GRID2: variants seen among roughly 807,000 people sequenced by gnomAD.
GRID2 encodes glutamate ionotropic receptor delta type subunit 2.
GRID2 carries 33 observed loss-of-function variants against 114.8 expected under a neutral mutation model. That is an observed-to-expected ratio of 0.29 (90% confidence interval 0.22 to 0.38). GRID2 has a LOEUF of 0.38. Ranked by LOEUF, GRID2 falls within the 10% of genes least tolerant of loss-of-function variation. The pLI is 1.00. For missense variants in GRID2, 1,184 were observed against 1,257.7 expected, an observed-to-expected ratio of 0.94 and a Z score of 0.89; for synonymous variants, 505 against 449.9, an observed-to-expected ratio of 1.12 and a Z score of -1.55.
chr4:92,358,876 T>C (rs1728471208), intron 1 of GRID2, among the ~76,000 whole-genome samples: 1 of 151,988 alleles, frequency 6.6e-6, no homozygotes, highest in Non-Finnish European at 1.5e-5. Context: ...GTCATATATG[T>C]ATGCTGTATT....
chr4:92,629,897 CAT>C (rs1168092521), intron 2 of GRID2, among the ~76,000 whole-genome samples: 2 of 145,160 alleles, frequency 1.4e-5, no homozygotes, highest in Non-Finnish European at 3.0e-5. Flanking sequence ...TTATATAATA[CAT>C]ATTTATAAAT....
intron 1 of GRID2, among the ~76,000 whole-genome samples, chr4:92,373,685 A>G (rs1282780272): frequency 6.6e-6 from 1 of 152,166 alleles, no homozygotes; most frequent in Non-Finnish European, 1.5e-5. Context: ...AGAGCTAAAT[A>G]CATCCTAATT....
At chr4:92,589,514 G>C (rs1728610874) in intron 1 of GRID2, among the ~76,000 whole-genome samples, 1 of 152,166 alleles carries the variant, frequency 6.6e-6, no homozygotes, top group South Asian at 2.1e-4. Flanking sequence ...GATAAAAAAT[G>C]CTATAATTAT....
chr4:93,084,103 G>T (rs541159661), intron 2 of GRID2, among the ~76,000 whole-genome samples: 1 of 151,546 alleles, frequency 6.6e-6, no homozygotes, highest in South Asian at 2.1e-4. Context: ...TTTTTTCATT[G>T]ATTTCTTCAC....
intron 2 of GRID2, among the ~76,000 whole-genome samples, chr4:92,785,219 C>A (rs567367660): frequency 6.6e-6 from 1 of 150,788 alleles, no homozygotes; most frequent in African/African-American, 2.4e-5. Context: ...TGTAGACAAA[C>A]GGATGAAGCT....
chr4:93,271,101 G>T (rs954728709), intron 8 of GRID2, among the ~76,000 whole-genome samples: 1 of 152,132 alleles, frequency 6.6e-6, no homozygotes, highest in Non-Finnish European at 1.5e-5. Flanking sequence ...TTATATATGT[G>T]TCCCATGGAC....
At position 92,524,407 on chromosome 4, in the gene GRID2, C is replaced by CTTT. The variant is rs869060153; in HGVS notation, c.89-65703_89-65701dup. On this transcript the variant is annotated intron_variant, in intron 1 of 15. Coordinates refer to ENST00000282020, the MANE Select transcript of GRID2 (RefSeq NM_001510.4). ...TCTTTCTGCTCTAGGATTTCCTTGTCTTTTTTTTTTTTTTTTTTTTTTTGT... is the reference window on the plus strand; with the variant it reads ...TCTTTCTGCTCTAGGATTTCCTTGTCTTTTTTTTTTTTTTTTTTTTTTTTTTGT... Among the ~76,000 whole-genome samples the CTTT allele has an allele frequency of 4.1e-3, 434 of 106,494 alleles. 16 individuals are homozygous for CTTT. Among genetic ancestry groups the CTTT allele is most frequent in the African/African-American group, 0.016 (400 of 25,288 alleles). The allele number at this position is 106,494 out of a possible 152,430, so 69.9% of individuals were successfully genotyped here.
chr4:92,897,882 T>C (rs1747284539), intron 2 of GRID2, among the ~76,000 whole-genome samples: 1 of 152,180 alleles, frequency 6.6e-6, no homozygotes, highest in African/African-American at 2.4e-5. Context: ...AGGAATGAAG[T>C]ACAACAGTTA....
At chr4:92,554,064 G>A (rs1485644005) in intron 1 of GRID2, among the ~76,000 whole-genome samples, 1 of 152,092 alleles carries the variant, frequency 6.6e-6, no homozygotes, top group Admixed American at 6.6e-5. Context: ...TGAAAAACAT[G>A]AAAATCACAT....
Position 92,338,733 on chromosome 4 carries a change from T to C in GRID2, c.88+33989T>C, listed in dbSNP as rs369390328. 1.8e-3 allele frequency among the ~76,000 whole-genome samples: 280 copies of C among 152,234 alleles called. 2 individuals are homozygous for C. Among genetic ancestry groups the C allele is most frequent in the African/African-American group, 6.2e-3 (257 of 41,590 alleles). ...AAATTCATTTTTAAAGGAAATGACA[T>C]GCAAAATAGTGTAAAGAAAAGCATA... is the stretch of plus-strand genomic sequence containing the variant. On this transcript the variant is annotated intron_variant, in intron 1 of 15. Coordinates refer to ENST00000282020, the MANE Select transcript of GRID2 (RefSeq NM_001510.4).
At chr4:93,608,314 T>TAA (rs536361396) in intron 13 of GRID2, among the ~76,000 whole-genome samples, 3,653 of 143,792 alleles carry the variant, frequency 0.025, 166 homozygotes, top group African/African-American at 0.092. Context: ...TTTTTTAATT[T>TAA]TTTTTTTTTA....
At chr4:92,927,400 A>T (rs1749891665) in intron 2 of GRID2, among the ~76,000 whole-genome samples, 1 of 151,990 alleles carries the variant, frequency 6.6e-6, no homozygotes, top group African/African-American at 2.4e-5. Flanking sequence ...TTTCACAGGA[A>T]TCATAGCCAG....
intron 14 of GRID2, among the ~76,000 whole-genome samples, chr4:93,669,771 T>A (rs924467436): frequency 6.6e-6 from 1 of 151,996 alleles, no homozygotes; most frequent in African/African-American, 2.4e-5. Context: ...AAAAAGTCAG[T>A]CCTCAAAATT....
chr4:92,924,184 G>A (rs1018585905), intron 2 of GRID2, among the ~76,000 whole-genome samples: 2 of 152,126 alleles, frequency 1.3e-5, no homozygotes, highest in African/African-American at 2.4e-5. Context: ...TCACTCACAG[G>A]TGGGAATTGA....
chr4:93,752,227 A>G (rs1402540488), intron 14 of GRID2, among the ~76,000 whole-genome samples: 2 of 152,142 alleles, frequency 1.3e-5, no homozygotes, highest in Non-Finnish European at 2.9e-5. Flanking sequence ...AATACAATTT[A>G]AGATAAATAT....
intron 2 of GRID2, among the ~76,000 whole-genome samples, chr4:93,073,581 T>G (rs1431582115): frequency 1.3e-5 from 2 of 152,160 alleles, no homozygotes; most frequent in Non-Finnish European, 2.9e-5. Context: ...AAACTCTGCA[T>G]TGTTCAAGGG....
intron 2 of GRID2, among the ~76,000 whole-genome samples, chr4:92,871,312 CT>C (rs150500881): frequency 0.039 from 5,796 of 148,944 alleles, 165 homozygotes; most frequent in East Asian, 0.13. Flanking sequence ...TTCTCTGATT[CT>C]TTTTTTTTCT....
In GRID2 at chr4:93,241,945, T is replaced by C. The variant is rs186907065; in HGVS notation, c.1245+3455T>C. 3.3e-5 allele frequency among the ~76,000 whole-genome samples: 5 copies of C among 151,328 alleles called. No individual in the cohort carries two copies. The East Asian group carries it at 5.8e-4, about 18-fold the overall frequency. ...CCAGTAGTGAAGAAGAAAATGAAGA[T>C]ATAAGAAAGAAAGGTGATAATTGAT... On this transcript the variant is annotated intron_variant, in intron 8 of 15. Transcript: ENST00000282020.
At chr4:93,608,057 T>TATATATATAC (rs1012379737) in intron 13 of GRID2, among the ~76,000 whole-genome samples, 1 of 148,900 alleles carries the variant, frequency 6.7e-6, no homozygotes, top group African/African-American at 2.4e-5. Context: ...TATATATATA[T>TATATATATAC]ACGTATATAA....
Sources: allele counts gnomAD v4.1 joint callset (sites outside exome capture counted in the v4.1 genomes callset), GRCh38; gene constraint gnomAD v4.1.1; transcripts MANE v1.5; gene names NCBI Gene and HGNC (gene_info 2026-07-23, HGNC 2026-07-21).